WWTR1: variants seen among roughly 807,000 people sequenced by gnomAD.
WWTR1 encodes WW domain-containing transcription regulator protein 1.
In WWTR1, 13 loss-of-function variants were observed where a neutral mutation model predicts 40.1. The observed-to-expected ratio is 0.32, with a 90% CI of 0.21 to 0.52. The LOEUF (loss-of-function observed/expected upper bound fraction) is 0.52, where lower values mean the gene tolerates loss of function less well. WWTR1 is among the 20% of genes least tolerant of loss of function. The pLI, the probability that WWTR1 is intolerant of heterozygous loss-of-function variation, is 0.97. For missense variants in WWTR1, 436 were observed against 523.1 expected (o/e 0.83, Z 1.63); for synonymous variants, 230 against 210.1 (o/e 1.09, Z -0.82).
At chr3:149,642,952 T>A (rs1712269810) in intron 2 of WWTR1, among the ~76,000 whole-genome samples, 1 of 152,202 alleles carries the variant, frequency 6.6e-6, no homozygotes, top group Admixed American at 6.5e-5. Context: ...TCTTTTATGA[T>A]TCTTAATCCC....
At chr3:149,554,819 A>G (rs1736750891) in intron 3 of WWTR1, among the ~76,000 whole-genome samples, 2 of 152,182 alleles carry the variant, frequency 1.3e-5, no homozygotes, top group African/African-American at 2.4e-5. Context: ...GGCAGGAAGC[A>G]CCTCTATGGA....
chr3:149,646,680 G>A (rs1233280226), intron 2 of WWTR1, among the ~76,000 whole-genome samples: 1 of 152,194 alleles, frequency 6.6e-6, no homozygotes, highest in Non-Finnish European at 1.5e-5. Context: ...CAGACTGATT[G>A]ACAGATAGAA....
upstream of WWTR1, among the ~76,000 whole-genome samples, chr3:149,704,743 G>T (rs1423334520): frequency 2.6e-5 from 4 of 151,990 alleles, no homozygotes; most frequent in Admixed American, 2.6e-4. Context: ...TTCATCCATG[G>T]CACAGAGGTG....
intron 2 of WWTR1, among the ~76,000 whole-genome samples, chr3:149,648,550 G>T (rs1712665548): frequency 6.6e-6 from 1 of 152,192 alleles, no homozygotes; most frequent in Non-Finnish European, 1.5e-5. Context: ...GCAAGTTGGG[G>T]AAAAGTTCCT....
intron 1 of WWTR1, among the ~76,000 whole-genome samples, chr3:149,697,647 G>A (rs528646103): frequency 2.0e-5 from 3 of 152,262 alleles, no homozygotes; most frequent in African/African-American, 7.2e-5. Flanking sequence ...CAAATCTCAT[G>A]TCCTTCTCAC....
At chr3:149,667,527 G>A (rs1000702233) in intron 2 of WWTR1, among the ~76,000 whole-genome samples, 12 of 147,124 alleles carry the variant, frequency 8.2e-5, no homozygotes, top group African/African-American at 2.5e-4. Context: ...CAGCCTGGGC[G>A]ACAGAGCAAG....
chr3:149,614,804 GA>G (rs947596647), intron 2 of WWTR1, among the ~76,000 whole-genome samples: 1 of 152,146 alleles, frequency 6.6e-6, no homozygotes, highest in Non-Finnish European at 1.5e-5. Flanking sequence ...CCAACATGGT[GA>G]AACCCTGTCT....
At chr3:149,556,092 G>A (rs1006885106) in intron 3 of WWTR1, among the ~76,000 whole-genome samples, 5 of 152,188 alleles carry the variant, frequency 3.3e-5, no homozygotes, top group Non-Finnish European at 7.3e-5. Flanking sequence ...GTGAGGGGCC[G>A]GGACCAGGTC....
intron 1 of WWTR1, among the ~76,000 whole-genome samples, chr3:149,688,719 C>A (rs908879279): frequency 3.9e-5 from 6 of 152,118 alleles, no homozygotes; most frequent in African/African-American, 1.4e-4. Flanking sequence ...ATACCTAACT[C>A]CTCAGTACCC....
intron 1 of WWTR1, among the ~76,000 whole-genome samples, chr3:149,670,510 G>T (rs35437669): frequency 6.6e-6 from 1 of 151,916 alleles, no homozygotes; most frequent in African/African-American, 2.4e-5. Flanking sequence ...CCAACCTGGT[G>T]GCGGACCCCT....
Position 149,572,950 on chromosome 3 carries a change from T to A in WWTR1, c.482A>T (p.Gln161Leu), listed in dbSNP as rs774219291. The A allele has an allele frequency of 6.2e-7, 1 of 1,613,438 alleles. No homozygotes were observed. The highest frequency in any genetic ancestry group is 8.5e-7 in the Non-Finnish European group (1 of 1,179,834). ...TWQDPRKAMN[Q>L]PLNHMNLHPA... ...GTGGAGGTTCATATGATTCAGAGGC[T>A]GATTCATCGCCTTCCTAGGGTCTTG... Residue 161 changes from glutamine (Q) to leucine (L), a missense_variant, in exon 3 of 7, where the codon CAG becomes CTG. Gln to Leu is a moderately radical substitution (Grantham distance 113). Transcript: ENST00000360632.
In WWTR1 at chr3:149,519,586, T is replaced by A. The variant is rs1734946852; in HGVS notation, c.*1219A>T. ...CAAAAGACAAAAATACAGTTGCCAC[T>A]GATTTATCAAAAACATTTGGCTGCC... On this transcript the variant is annotated 3_prime_UTR_variant, in exon 7 of 7. Transcript: ENST00000360632. The A allele has an allele frequency of 6.6e-6, 1 of 152,252 alleles. No homozygotes were observed. Among genetic ancestry groups the A allele is most frequent in the African/African-American group, 2.4e-5 (1 of 41,462 alleles). 9.4% of individuals were successfully genotyped at this position (152,252 alleles called of 1,614,324 possible). A position where few individuals can be genotyped will look rare whatever the true frequency, so the allele number is the denominator to read the frequency against.
intron 2 of WWTR1, among the ~76,000 whole-genome samples, chr3:149,606,860 G>A (rs911326844): frequency 1.3e-5 from 2 of 152,186 alleles, no homozygotes; most frequent in African/African-American, 2.4e-5. Flanking sequence ...TCCAAAGGGC[G>A]GCAAATGTGT....
chr3:149,708,554 A>G (rs756094809), intron 5 of WWTR1, among the ~76,000 whole-genome samples: 3 of 152,220 alleles, frequency 2.0e-5, no homozygotes, highest in Non-Finnish European at 4.4e-5. Context: ...GGTATCTCAT[A>G]TAAGTGGAAC....
chr3:149,621,690 G>T (rs979996592), intron 2 of WWTR1, among the ~76,000 whole-genome samples: 1 of 152,134 alleles, frequency 6.6e-6, no homozygotes, highest in Non-Finnish European at 1.5e-5. Flanking sequence ...TACTAATATG[G>T]TCTATGCCCA....
At chr3:149,545,119 G>A (rs6809815) in intron 3 of WWTR1, among the ~76,000 whole-genome samples, 69,889 of 151,942 alleles carry the variant, frequency 0.46, 16,706 homozygotes, top group South Asian at 0.66. Context: ...AAAAACCTGA[G>A]ATGAGTATTT....
rs80011904 is a variant in WWTR1, at chr3:149,544,303, G to C, written c.569-1766C>G. 1.3e-3 allele frequency among the ~76,000 whole-genome samples: 204 copies of C among 152,292 alleles called. 1 individual carries two copies. Among genetic ancestry groups the C allele is most frequent in the African/African-American group, 4.3e-3 (178 of 41,572 alleles). On this transcript the variant is annotated intron_variant, in intron 3 of 6. Coordinates refer to ENST00000360632, the MANE Select transcript of WWTR1 (RefSeq NM_015472.6). ...GATTTCTTTGAGGAAGAATTCAATG[G>C]CAAAGATTTCTCCAGGATGGAGGTG...
chr3:149,578,604 G>T (rs1737996960), intron 2 of WWTR1, among the ~76,000 whole-genome samples: 1 of 152,186 alleles, frequency 6.6e-6, no homozygotes, highest in South Asian at 2.1e-4. Flanking sequence ...AATCTTATCT[G>T]TAAAAATAGA....
At chr3:149,528,188 A>G (rs1043310093) in intron 4 of WWTR1, among the ~76,000 whole-genome samples, 22 of 152,190 alleles carry the variant, frequency 1.4e-4, no homozygotes, top group African/African-American at 5.3e-4. Flanking sequence ...CTCAGCTATT[A>G]TTTGATCTAA....
Sources: gnomAD v4.1 joint callset for allele counts (sites outside exome capture counted in the v4.1 genomes callset) on GRCh38, gnomAD v4.1.1 for gene constraint, MANE v1.5 for transcripts, NCBI Gene and HGNC (gene_info 2026-07-23, HGNC 2026-07-21) for gene names.